Variants in RPS6KA2 observed in about 807,000 individuals in gnomAD.
The protein encoded by RPS6KA2 is ribosomal protein S6 kinase A2.
Under a neutral mutation model 91.8 loss-of-function variants are expected in RPS6KA2, and 42 were observed. The observed-to-expected ratio is 0.46, with a 90% CI of 0.36 to 0.59. RPS6KA2 has a LOEUF of 0.59. Ranked by LOEUF, RPS6KA2 falls within the 20% of genes least tolerant of loss-of-function variation. The pLI, the probability that RPS6KA2 is intolerant of heterozygous loss-of-function variation, is 0.00. For synonymous variants in RPS6KA2, 414 were observed against 393.6 expected (o/e 1.05, Z -0.61); for missense variants, 798 against 978.5 (o/e 0.82, Z 2.46).
intron 1 of RPS6KA2, among the ~76,000 whole-genome samples, chr6:166,618,982 T>C (rs1454999410): frequency 6.6e-6 from 1 of 152,104 alleles, no homozygotes; most frequent in Non-Finnish European, 1.5e-5. Context: ...ACAAGCCCTG[T>C]GCGTATGGGC....
intron 6 of RPS6KA2, among the ~76,000 whole-genome samples, chr6:166,502,190 G>A (rs992589433): frequency 2.6e-5 from 4 of 152,136 alleles, no homozygotes; most frequent in Admixed American, 6.5e-5. Context: ...GCACTTAAAC[G>A]TGGTGAAAAC....
In RPS6KA2 at chr6:166,813,911, T is replaced by C. The variant is rs574942233; in HGVS notation, c.123+44289A>G. 2.6e-5 allele frequency among the ~76,000 whole-genome samples: 4 copies of C among 152,342 alleles called. No individual in the cohort carries two copies. The South Asian group carries it at 8.3e-4, about 32-fold the overall frequency. ...TCTACCTTTCTTCAGCACATTTATG[T>C]TTGATATTTAAGTAGAACTGTCTTG... On this transcript the variant is annotated intron_variant, in intron 2 of 21. Transcript: ENST00000503859.
chr6:166,651,264 T>G (rs1259273012), intron 2 of RPS6KA2, among the ~76,000 whole-genome samples: 1 of 152,256 alleles, frequency 6.6e-6, no homozygotes, highest in Non-Finnish European at 1.5e-5. Flanking sequence ...TCTGCAAGCA[T>G]TTGTACAATT....
intron 2 of RPS6KA2, among the ~76,000 whole-genome samples, chr6:166,837,662 G>A (rs966300129): frequency 6.6e-6 from 1 of 152,190 alleles, no homozygotes; most frequent in Admixed American, 6.5e-5. Context: ...CATCACCTCT[G>A]TGGGGGTGGC....
At chr6:166,720,775 C>T (rs372725209) in intron 2 of RPS6KA2, among the ~76,000 whole-genome samples, 10 of 152,270 alleles carry the variant, frequency 6.6e-5, no homozygotes, top group African/African-American at 2.2e-4. Context: ...ATTCCAATCA[C>T]CCTTATTTTA....
At chr6:166,633,131 G>A (rs1787135927) in intron 2 of RPS6KA2, among the ~76,000 whole-genome samples, 1 of 152,136 alleles carries the variant, frequency 6.6e-6, no homozygotes, top group African/African-American at 2.4e-5. Context: ...GAAGTGGGAC[G>A]ATCACTTGAA....
intron 1 of RPS6KA2, among the ~76,000 whole-genome samples, chr6:166,541,027 G>A (rs968678420): frequency 1.1e-4 from 16 of 152,282 alleles, no homozygotes; most frequent in Non-Finnish European, 8.8e-5. Context: ...CACTGTCCTC[G>A]CAATGGGTCC....
In RPS6KA2 at chr6:166,641,719, C is replaced by CAAAAAAAAAAAAAAAAAAAAAA. The variant is rs71032871; in HGVS notation, c.124-102957_124-102936dup. Among the ~76,000 whole-genome samples the CAAAAAAAAAAAAAAAAAAAAAA allele has an allele frequency of 3.9e-4, 11 of 28,548 alleles. 2 individuals are homozygous for CAAAAAAAAAAAAAAAAAAAAAA. The highest frequency in any genetic ancestry group is 1.8e-3 in the East Asian group (1 of 560). 18.7% of individuals were successfully genotyped at this position (28,548 alleles called of 152,430 possible). ...TGGGTAAAAGAGTGAGACTCTGTCA[C>CAAAAAAAAAAAAAAAAAAAAAA]AAAAAAAAAAAAAAAAAAAAAAAAA... On this transcript the variant is annotated intron_variant, in intron 2 of 21. Coordinates refer to the RPS6KA2 transcript ENST00000503859.
In RPS6KA2 at chr6:166,430,535, C is replaced by T. The variant is rs754636268; in HGVS notation, c.1499G>A (p.Arg500Gln). Residue 500 changes from arginine (R) to glutamine (Q), a missense_variant, in exon 16 of 21, where the codon CGG becomes CAG. Transcript: ENST00000265678. ...TTCGCGCTCCGAGAAGTATCTCTGCCGGAGGATGCGGTCCAGGAGCTCCCC... is the reference window on the plus strand; with the variant it reads ...TTCGCGCTCCGAGAAGTATCTCTGCTGGAGGATGCGGTCCAGGAGCTCCCC... Reference protein sequence around the residue: ...RGGELLDRILRQRYFSEREAS... With the variant: ...RGGELLDRILQQRYFSEREAS... The T allele has an allele frequency of 3.1e-5, 50 of 1,613,938 alleles. 1 individual carries two copies. The highest frequency in any genetic ancestry group is 6.7e-5 in the East Asian group (3 of 44,872).
rs954567862 is a variant in RPS6KA2 at position 166,767,101 on chromosome 6, C to T, written c.123+91099G>A. On this transcript the variant is annotated intron_variant, in intron 2 of 21. Coordinates refer to the RPS6KA2 transcript ENST00000503859. This position sits in a 1 kb window ranked among gnomAD's most constrained non-coding sequence, Gnocchi z 4.6. ...GGGCTGCCCTAGCAAAGAGGAAGGG[C>T]TCAGCTACCTGTGGGAAAAGCCAGC... 2.6e-5 allele frequency among the ~76,000 whole-genome samples: 4 copies of T among 152,236 alleles called. No individual in the cohort carries two copies. The highest frequency in any genetic ancestry group is 1.3e-4 in the Admixed American group (2 of 15,286).
intron 2 of RPS6KA2, among the ~76,000 whole-genome samples, chr6:166,707,559 A>T (rs1318168536): frequency 1.3e-5 from 2 of 152,168 alleles, no homozygotes; most frequent in Non-Finnish European, 2.9e-5. Context: ...GTTATGGATG[A>T]CAGTAATGGA....
intron 2 of RPS6KA2, among the ~76,000 whole-genome samples, chr6:166,827,256 C>CAAAAAAAAAAAAAAAAAAAAAAAAAAAA: frequency 1.1e-5 from 1 of 94,498 alleles, no homozygotes; most frequent in Non-Finnish European, 2.0e-5. Flanking sequence ...CAACCTTATA[C>CAAAAAAAAAAAAAAAAAAAAAAAAAAAA]AAAAAAAAAA....
chr6:166,772,124 A>G (rs1778489693), intron 2 of RPS6KA2, among the ~76,000 whole-genome samples: 1 of 145,990 alleles, frequency 6.8e-6, no homozygotes, highest in African/African-American at 2.8e-5. Context: ...TTTGTATTGT[A>G]CTGGGCATGT....
At chr6:166,497,819 A>C (rs1489250220) in intron 8 of RPS6KA2, among the ~76,000 whole-genome samples, 1 of 152,216 alleles carries the variant, frequency 6.6e-6, no homozygotes, top group Non-Finnish European at 1.5e-5. Flanking sequence ...TCATGGCCTC[A>C]GTTTCCTCCT....
intron 2 of RPS6KA2, among the ~76,000 whole-genome samples, chr6:166,707,163 T>C (rs1354145957): frequency 2.0e-5 from 3 of 152,200 alleles, no homozygotes; most frequent in Non-Finnish European, 4.4e-5. Context: ...ATGCCTTCCT[T>C]GTGGCAGCAC....
chr6:166,647,456 G>A (rs1787642875), intron 2 of RPS6KA2, among the ~76,000 whole-genome samples: 1 of 152,176 alleles, frequency 6.6e-6, no homozygotes, highest in Non-Finnish European at 1.5e-5. Flanking sequence ...CTGTTCAGAT[G>A]TGTTTTAAAA....
At chr6:166,474,932 G>A (rs971747585) in intron 10 of RPS6KA2, among the ~76,000 whole-genome samples, 3 of 152,202 alleles carry the variant, frequency 2.0e-5, no homozygotes, top group East Asian at 1.9e-4. Flanking sequence ...GAGCCTACCC[G>A]TGATGCTGCC....
At chr6:166,598,148 A>G (rs1785605399) in intron 1 of RPS6KA2, among the ~76,000 whole-genome samples, 1 of 152,210 alleles carries the variant, frequency 6.6e-6, no homozygotes, top group Non-Finnish European at 1.5e-5. Context: ...TAAACAAAAC[A>G]CTTCTCAGGA....
chr6:166,604,920 A>G (rs1366065331), intron 1 of RPS6KA2, among the ~76,000 whole-genome samples: 5 of 152,100 alleles, frequency 3.3e-5, no homozygotes, highest in African/African-American at 1.2e-4. Flanking sequence ...AAATGTGCTT[A>G]TTAAGACTTA....
Sources: allele counts gnomAD v4.1 joint callset (sites outside exome capture counted in the v4.1 genomes callset), GRCh38; gene constraint gnomAD v4.1.1; non-coding constraint Gnocchi (gnomAD v3.1); transcripts MANE v1.5; gene names NCBI Gene and HGNC (gene_info 2026-07-23, HGNC 2026-07-21).